Variants in RBM26 observed in about 807,000 individuals in gnomAD.
RBM26 encodes RNA-binding protein 26.
Under a neutral mutation model 123.6 loss-of-function variants are expected in RBM26, and 30 were observed. The observed-to-expected ratio is 0.24, with a 90% CI of 0.18 to 0.33. The LOEUF (loss-of-function observed/expected upper bound fraction) is 0.33, where lower values mean the gene tolerates loss of function less well. Ranked by LOEUF, RBM26 falls within the 10% of genes least tolerant of loss-of-function variation. The pLI is 1.00. For missense variants in RBM26, 947 were observed against 1,203.6 expected (o/e 0.79, Z 3.15); for synonymous variants, 400 against 404.4 (o/e 0.99, Z 0.13).
At chr13:79,375,716 T>A (rs1413414837) in intron 3 of RBM26, among the ~76,000 whole-genome samples, 1 of 152,052 alleles carries the variant, frequency 6.6e-6, no homozygotes, top group Admixed American at 6.6e-5. Flanking sequence ...TATGTGTATA[T>A]GAAAATATAC....
At chr13:79,367,160 A>C (rs1220572996) in intron 6 of RBM26, among the ~76,000 whole-genome samples, 1 of 151,810 alleles carries the variant, frequency 6.6e-6, no homozygotes, top group Admixed American at 6.6e-5. Flanking sequence ...TAATCCCAGC[A>C]CTTTGGGAGG....
chr13:79,364,846 C>T (rs974312381), intron 9 of RBM26, among the ~76,000 whole-genome samples: 18 of 151,976 alleles, frequency 1.2e-4, no homozygotes, highest in Admixed American at 5.2e-4. Flanking sequence ...TAAAAATATA[C>T]GCAAACTAAT....
chr13:79,363,056 A>ACAT (rs1224124313), intron 9 of RBM26, among the ~76,000 whole-genome samples: 3 of 152,164 alleles, frequency 2.0e-5, no homozygotes, highest in African/African-American at 7.2e-5. Context: ...TCCAATCATG[A>ACAT]CATCATCCAT....
In RBM26 at chr13:79,320,262, T is replaced by C; in HGVS notation, c.*359A>G. On this transcript the variant is annotated 3_prime_UTR_variant, in exon 22 of 22. Coordinates refer to ENST00000438737, the MANE Select transcript of RBM26 (RefSeq NM_001366735.2). ...TTTTAAATGCAAATTCATTCCTTATTTGGAATAAAACAAAGTCCTCTAAGT... is the reference window on the plus strand; with the variant it reads ...TTTTAAATGCAAATTCATTCCTTATCTGGAATAAAACAAAGTCCTCTAAGT... 1 of 974,436 alleles carries C rather than the reference T, an allele frequency of 1.0e-6. No homozygotes were observed. The highest frequency in any genetic ancestry group is 4.7e-5 in the South Asian group (1 of 21,132). The allele number at this position is 974,436 out of a possible 1,614,324, so 60.4% of individuals were successfully genotyped here. A position where few individuals can be genotyped will look rare whatever the true frequency, so the allele number is the denominator to read the frequency against.
chr13:79,371,550 T>C (rs1281360122), intron 4 of RBM26, among the ~76,000 whole-genome samples: 1 of 151,100 alleles, frequency 6.6e-6, no homozygotes, highest in Non-Finnish European at 1.5e-5. Flanking sequence ...TCACACTAAA[T>C]GGAAACAGCA....
intron 5 of RBM26, 86 bp downstream of exon 5, chr13:79,370,859 A>C: frequency 2.2e-6 from 3 of 1,388,972 alleles, no homozygotes; most frequent in Non-Finnish European, 3.0e-6. Context: ...AAAAATGAAG[A>C]CAACACTGAC....
intron 1 of RBM26, 87 bp downstream of exon 1, chr13:79,405,617 G>T: frequency 1.1e-6 from 1 of 874,886 alleles, no homozygotes; most frequent in Non-Finnish European, 1.7e-6. Flanking sequence ...GGCCTCCACC[G>T]CAGGCACTTG....
chr13:79,366,425 TA>T (rs1163697959), intron 7 of RBM26, among the ~76,000 whole-genome samples: 4 of 152,330 alleles, frequency 2.6e-5, no homozygotes, highest in Admixed American at 2.6e-4. Context: ...GTGATATACT[TA>T]ATTCACAGGG....
intron 9 of RBM26, among the ~76,000 whole-genome samples, chr13:79,361,139 T>TTTC (rs754941977): frequency 2.6e-5 from 4 of 152,142 alleles, no homozygotes; most frequent in Non-Finnish European, 4.4e-5. Flanking sequence ...ATTTTCATAT[T>TTTC]AAGTCTATCT....
At position 79,318,996 on chromosome 13, in the gene RBM26, T is replaced by C. The variant is rs1414764649; in HGVS notation, c.*1625A>G. ...AATATATAAGTAAAAATAGTGACTTTTTGAGCAAAGTCACTATTTTGACAA... is the reference window on the plus strand; with the variant it reads ...AATATATAAGTAAAAATAGTGACTTCTTGAGCAAAGTCACTATTTTGACAA... On this transcript the variant is annotated 3_prime_UTR_variant, in exon 22 of 22. Coordinates refer to ENST00000438737, the MANE Select transcript of RBM26 (RefSeq NM_001366735.2). 1 of 979,708 alleles carries C rather than the reference T, an allele frequency of 1.0e-6. No homozygotes were observed. The highest frequency in any genetic ancestry group is 1.2e-6 in the Non-Finnish European group (1 of 825,012). 60.7% of individuals were successfully genotyped at this position (979,708 alleles called of 1,614,324 possible).
intron 11 of RBM26, among the ~76,000 whole-genome samples, chr13:79,357,564 A>G (rs1041941375): frequency 6.6e-6 from 1 of 152,170 alleles, no homozygotes; most frequent in Admixed American, 6.5e-5. Context: ...AAAAGTGGTA[A>G]AGAAAAAGTA....
chr13:79,352,829 A>G (rs2073446600), intron 14 of RBM26, among the ~76,000 whole-genome samples: 1 of 152,200 alleles, frequency 6.6e-6, no homozygotes. Context: ...ATTCCTAATC[A>G]TGGCCCTTTC....
chr13:79,319,952 T>G lies in RBM26; in HGVS notation c.*669A>C. ...AAATCAAGGAACATTGTCTTGGCTT[T>G]TTTTTTTTTTTTTTTTTTGTCATTG... On this transcript the variant is annotated 3_prime_UTR_variant, in exon 22 of 22. Transcript: ENST00000438737. 1 of 392,706 alleles carries G rather than the reference T, an allele frequency of 2.5e-6. No individual in the cohort carries two copies. The highest frequency in any genetic ancestry group is 3.4e-6 in the Non-Finnish European group (1 of 295,904). 24.3% of individuals were successfully genotyped at this position (392,706 alleles called of 1,614,324 possible). A position where few individuals can be genotyped will look rare whatever the true frequency, so the allele number is the denominator to read the frequency against.
intron 1 of RBM26, among the ~76,000 whole-genome samples, chr13:79,400,533 G>A (rs2078975892): frequency 6.6e-6 from 1 of 152,126 alleles, no homozygotes; most frequent in South Asian, 2.1e-4. Flanking sequence ...ATTTCAACAT[G>A]AATTCTGGAG....
At chr13:79,388,203 C>T (rs1025213835) in intron 1 of RBM26, among the ~76,000 whole-genome samples, 1 of 152,244 alleles carries the variant, frequency 6.6e-6, no homozygotes, top group Admixed American at 6.5e-5. Flanking sequence ...TCAAGCAATT[C>T]TCCTGCCTCA....
intron 14 of RBM26, among the ~76,000 whole-genome samples, chr13:79,350,125 T>C (rs1372170537): frequency 6.6e-6 from 1 of 152,246 alleles, no homozygotes; most frequent in Non-Finnish European, 1.5e-5. Context: ...GAAGTTTCTC[T>C]ATAACATGCA....
chr13:79,387,514 A>G (rs1434991132), intron 1 of RBM26, among the ~76,000 whole-genome samples: 1 of 151,894 alleles, frequency 6.6e-6, no homozygotes, highest in Non-Finnish European at 1.5e-5. Flanking sequence ...CACTAGTTAT[A>G]TAATCCTGCG....
intron 6 of RBM26, among the ~76,000 whole-genome samples, 189 bp downstream of exon 6, chr13:79,368,541 T>G (rs1187102004): frequency 6.6e-6 from 1 of 152,204 alleles, no homozygotes; most frequent in Admixed American, 6.5e-5. Flanking sequence ...AATACTACCT[T>G]TAAATTGATA....
intron 20 of RBM26, among the ~76,000 whole-genome samples, chr13:79,331,924 G>A (rs2069491666): frequency 6.6e-6 from 1 of 152,146 alleles, no homozygotes; most frequent in African/African-American, 2.4e-5. Context: ...TAACAAGGCA[G>A]AGTCAAACCA....
Sources: gnomAD v4.1 joint callset for allele counts (sites outside exome capture counted in the v4.1 genomes callset) on GRCh38, gnomAD v4.1.1 for gene constraint, MANE v1.5 for transcripts, NCBI Gene and HGNC (gene_info 2026-07-23, HGNC 2026-07-21) for gene names.